The following TIMM21 variants were observed in gnomAD, a reference collection of about 807,000 sequenced individuals.
The protein encoded by TIMM21 is mitochondrial import inner membrane translocase subunit Tim21.
Under a neutral mutation model 27.7 loss-of-function variants are expected in TIMM21, and 30 were observed. That is an observed-to-expected ratio of 1.08 (90% CI 0.81 to 1.47). The LOEUF (loss-of-function observed/expected upper bound fraction) is 1.47. Among genes scored for constraint, TIMM21 ranks in the 40% most tolerant of loss-of-function variants. The pLI is 0.00. For synonymous variants in TIMM21, 121 were observed against 114.4 expected (o/e 1.06, Z -0.37); for missense variants, 292 against 302.9 (o/e 0.96, Z 0.27).
At chr18:74,154,579 T>G (rs944874617) in intron 1 of TIMM21, among the ~76,000 whole-genome samples, 6 of 152,222 alleles carry the variant, frequency 3.9e-5, no homozygotes, top group Admixed American at 3.3e-4. Flanking sequence ...CTGTCTTGAT[T>G]GAGTTTCTCT....
At chr18:74,151,041 C>T (rs1979786852) in intron 1 of TIMM21, among the ~76,000 whole-genome samples, 3 of 152,130 alleles carry the variant, frequency 2.0e-5, no homozygotes, top group Admixed American at 2.0e-4. Flanking sequence ...GAAATTATTG[C>T]CAGGTAAGTC....
chr18:74,157,880 C>T, intron 3 of TIMM21, 134 bp from the exon 4 acceptor site: 1 of 921,072 alleles, frequency 1.1e-6, no homozygotes, highest in African/African-American at 1.7e-5. Flanking sequence ...TAGGCGTGAG[C>T]CAGGAGTGGT....
chr18:74,149,329 T>C (rs529864906), intron 1 of TIMM21, among the ~76,000 whole-genome samples: 1 of 152,376 alleles, frequency 6.6e-6, no homozygotes, highest in Non-Finnish European at 1.5e-5. Flanking sequence ...TATAACTTTT[T>C]TTCATTATGT....
At position 74,148,851 on chromosome 18, in the gene TIMM21, CT is replaced by C; in HGVS notation, c.44del (p.Leu15ArgfsTer21). 6.2e-7 allele frequency: 1 copy of C among 1,613,986 alleles called. No individual in the cohort carries two copies. Among genetic ancestry groups the C allele is most frequent in the Non-Finnish European group, 8.5e-7 (1 of 1,179,862 alleles). ...FLRAVQYTEK[L>X]HRSSAKRLLL... Reference sequence around the variant, plus strand: ...ACGAGCCGTACAGTATACGGAGAAGCTGCACAGGTCCTCGGCAAAGCGATTG... The same window carrying C: ...ACGAGCCGTACAGTATACGGAGAAGCGCACAGGTCCTCGGCAAAGCGATTG... On this transcript the variant is annotated frameshift_variant, in exon 1 of 6. Transcript: ENST00000169551. LOFTEE classifies it high-confidence loss of function.
intron 3 of TIMM21, 157 bp downstream of exon 3, chr18:74,155,560 T>C (rs1172182236): frequency 9.4e-6 from 6 of 636,390 alleles, no homozygotes; most frequent in Non-Finnish European, 1.6e-5. Context: ...AGGTCTTTGC[T>C]CTTTAAGAGA....
At chr18:74,149,223 A>G (rs1191087158) in intron 1 of TIMM21, 114 bp downstream of exon 1, 2 of 1,232,086 alleles carry the variant, frequency 1.6e-6, no homozygotes, top group Non-Finnish European at 2.2e-6. Context: ...ATGAATTTTT[A>G]AAAACCGTTT....
Position 74,158,708 on chromosome 18 carries a change from G to T in TIMM21, c.*228G>T. 1 of 413,670 alleles carries T rather than the reference G, an allele frequency of 2.4e-6. No homozygotes were observed. The highest frequency in any genetic ancestry group is 4.3e-6 in the Non-Finnish European group (1 of 230,446). 25.6% of individuals were successfully genotyped at this position (413,670 alleles called of 1,614,324 possible). A position where few individuals can be genotyped will look rare whatever the true frequency, so the allele number is the denominator to read the frequency against. On this transcript the variant is annotated 3_prime_UTR_variant, in exon 6 of 6. Coordinates refer to ENST00000169551, the MANE Select transcript of TIMM21 (RefSeq NM_014177.3). ...TTGACTCAATCATGACAATATTTCT[G>T]CTTTAACACCATCTTTCATGATTAG... is the stretch of plus-strand genomic sequence containing the variant.
rs544169875 is a variant in TIMM21, at chr18:74,148,748, A to C, written c.-61A>C. On this transcript the variant is annotated 5_prime_UTR_variant, in exon 1 of 6. Transcript: ENST00000169551. ...ACGTGTCCGGCCGCATGTGTAGTGA[A>C]CCCTAAAGCTTTCCTAATTGTAGTT... 5.3e-5 allele frequency: 82 copies of C among 1,533,268 alleles called. No individual in the cohort carries two copies. The highest frequency in any genetic ancestry group is 7.0e-5 in the Non-Finnish European group (79 of 1,125,072). The allele number at this position is 1,533,268 out of a possible 1,614,324, so 95.0% of individuals were successfully genotyped here. A position where few individuals can be genotyped will look rare whatever the true frequency, so the allele number is the denominator to read the frequency against.
chr18:74,156,559 A>G (rs547891858), intron 3 of TIMM21: 33 of 340,060 alleles, frequency 9.7e-5, no homozygotes, highest in African/African-American at 6.9e-4. Flanking sequence ...GTTCGTTCCC[A>G]TAATAGTTAC....
At position 74,155,157 on chromosome 18, in the gene TIMM21, G is replaced by A. The variant is rs1979915817; in HGVS notation, c.314G>A (p.Gly105Glu). 2 of 1,614,178 alleles carry A rather than the reference G, an allele frequency of 1.2e-6. No individual in the cohort carries two copies. The highest frequency in any genetic ancestry group is 2.2e-5 in the East Asian group (1 of 44,888). Residue 105 changes from glycine to glutamate, a missense_variant, in exon 2 of 6, where the codon GGA becomes GAA. Transcript: ENST00000169551. The stretch of plus-strand genomic sequence containing the variant: ...TTTCTCTTCACAGTGAAAGAAGCCG[G>A]AAGAGATTTTACCTATTTAATAGTG... ...VPTSQKVKEA[G>E]RDFTYLIVVL...
At chr18:74,155,734 A>T (rs1203564673) in intron 3 of TIMM21, among the ~76,000 whole-genome samples, 1 of 152,222 alleles carries the variant, frequency 6.6e-6, no homozygotes, top group Non-Finnish European at 1.5e-5. Context: ...TCATAATGTC[A>T]TTGCTGACAC....
At chr18:74,154,604 C>T (rs1417138481) in intron 1 of TIMM21, among the ~76,000 whole-genome samples, 2 of 152,238 alleles carry the variant, frequency 1.3e-5, no homozygotes, top group East Asian at 3.8e-4. Context: ...CTCAGAGTGT[C>T]TGTTTAACCC....
Position 74,158,792 on chromosome 18 carries a change from G to A in TIMM21, c.*312G>A, listed in dbSNP as rs554763654. On this transcript the variant is annotated 3_prime_UTR_variant, in exon 6 of 6. Transcript: ENST00000169551. ...AATAAAGGAAATAGATTTTAGTATT[G>A]TATTCATTTTATATTATAGAACTGC... 516 of 266,828 alleles carry A rather than the reference G, an allele frequency of 1.9e-3. 1 individual carries two copies. The highest frequency in any genetic ancestry group is 6.2e-3 in the South Asian group (147 of 23,554). The allele number at this position is 266,828 out of a possible 1,614,324, so 16.5% of individuals were successfully genotyped here. A position where few individuals can be genotyped will look rare whatever the true frequency, so the allele number is the denominator to read the frequency against.
At chr18:74,154,181 T>G (rs1283946114) in intron 1 of TIMM21, among the ~76,000 whole-genome samples, 1 of 152,154 alleles carries the variant, frequency 6.6e-6, no homozygotes, top group Non-Finnish European at 1.5e-5. Flanking sequence ...TAGGGACAAA[T>G]AAGCGTACTT....
At chr18:74,158,299 G>A in intron 5 of TIMM21, 23 bp downstream of exon 5, 1 of 1,613,282 alleles carries the variant, frequency 6.2e-7, no homozygotes, top group Non-Finnish European at 8.5e-7. Context: ...TGGGATGTGG[G>A]GTCAGAGGTT....
At chr18:74,151,012 T>A (rs897376301) in intron 1 of TIMM21, among the ~76,000 whole-genome samples, 8 of 152,320 alleles carry the variant, frequency 5.3e-5, no homozygotes, top group African/African-American at 1.9e-4. Context: ...CCCCTTGATT[T>A]ATACATTTGG....
intron 3 of TIMM21, chr18:74,156,151 G>C: frequency 2.5e-6 from 1 of 397,940 alleles, no homozygotes. Flanking sequence ...CTTCAGCACT[G>C]AAAATATTAC....
chr18:74,155,270 C>T (rs1318150540), intron 2 of TIMM21, 36 bp from the exon 3 acceptor site: 2 of 1,612,106 alleles, frequency 1.2e-6, no homozygotes, highest in Non-Finnish European at 1.7e-6. Flanking sequence ...TTATGTTGCC[C>T]TTGCTTCGCT....
intron 1 of TIMM21, among the ~76,000 whole-genome samples, chr18:74,153,297 G>C (rs1382237645): frequency 3.3e-5 from 5 of 152,176 alleles, no homozygotes; most frequent in Non-Finnish European, 4.4e-5. Flanking sequence ...CAGATATACA[G>C]GAGCTGTTGT....
Sources: gnomAD v4.1 joint callset for allele counts (sites outside exome capture counted in the v4.1 genomes callset) on GRCh38, gnomAD v4.1.1 for gene constraint, MANE v1.5 for transcripts, NCBI Gene and HGNC (gene_info 2026-07-23, HGNC 2026-07-21) for gene names.